SLC17A4: variants seen among roughly 807,000 people sequenced by gnomAD.
The protein encoded by SLC17A4 is solute carrier family 17 member 4, also known as probable small intestine urate exporter.
Under a neutral mutation model 52.5 loss-of-function variants are expected in SLC17A4, and 33 were observed. That is an observed-to-expected ratio of 0.63 (90% confidence interval 0.48 to 0.84). SLC17A4 has a LOEUF of 0.84. SLC17A4 is among the 40% of genes least tolerant of loss of function. The pLI is 0.00. For synonymous variants in SLC17A4, 225 were observed against 216.2 expected (o/e 1.04, Z -0.36); for missense variants, 585 against 597.1 (o/e 0.98, Z 0.21).
At chr6:25,764,551 T>A (rs1761841552) in intron 2 of SLC17A4, among the ~76,000 whole-genome samples, 1 of 152,190 alleles carries the variant, frequency 6.6e-6, no homozygotes, top group South Asian at 2.1e-4. Context: ...TAATACAATT[T>A]GGAAGAAATT....
At chr6:25,776,566 A>G in intron 8 of SLC17A4, 29 bp from the exon 9 acceptor site, 2 of 1,571,658 alleles carry the variant, frequency 1.3e-6, no homozygotes. Flanking sequence ...GTAAGGGCAC[A>G]TGCACCTGAC....
At chr6:25,768,263 T>G in intron 2 of SLC17A4, 1 of 483,080 alleles carries the variant, frequency 2.1e-6, no homozygotes, top group Non-Finnish European at 2.7e-6. Context: ...GAGCATTTGC[T>G]CCCTTTCAGG....
At chr6:25,754,931 T>C (rs990487720) in intron 1 of SLC17A4, 150 bp downstream of exon 1, 29 of 152,076 alleles carry the variant, frequency 1.9e-4, no homozygotes, top group African/African-American at 7.0e-4. Flanking sequence ...GAGATAATTC[T>C]GGTAAGTGAG....
Position 25,773,358 on chromosome 6 carries a change from G to A in SLC17A4, c.790G>A (p.Glu264Lys), listed in dbSNP as rs1225576898. 6.2e-7 allele frequency: 1 copy of A among 1,613,924 alleles called. No homozygotes were observed. Among genetic ancestry groups the A allele is most frequent in the East Asian group, 2.2e-5 (1 of 44,868 alleles). Residue 264 changes from glutamate to lysine, a missense_variant, in exon 7 of 12, where the codon GAG (glutamate) becomes AAG (lysine). Coordinates refer to ENST00000377905, the MANE Select transcript of SLC17A4 (RefSeq NM_005495.3). ...PVNHPFISAG[E>K]KRYIVCSLAQ... ...GAATCATCCCTTTATCAGTGCTGGT[G>A]AGAAGAGATACATTGTGTGTTCATT... is the stretch of plus-strand genomic sequence containing the variant.
At chr6:25,759,699 C>T (rs763705748) in intron 1 of SLC17A4, among the ~76,000 whole-genome samples, 6 of 152,162 alleles carry the variant, frequency 3.9e-5, no homozygotes, top group Non-Finnish European at 8.8e-5. Context: ...TACTCCTGCT[C>T]GCTTTTGGTG....
At chr6:25,772,487 T>A (rs1762562420) in intron 6 of SLC17A4, among the ~76,000 whole-genome samples, 1 of 152,174 alleles carries the variant, frequency 6.6e-6, no homozygotes, top group African/African-American at 2.4e-5. Context: ...AGAGAGCTCA[T>A]AAGATTTCTT....
At chr6:25,772,240 G>T (rs1431525107) in intron 6 of SLC17A4, among the ~76,000 whole-genome samples, 2 of 152,130 alleles carry the variant, frequency 1.3e-5, no homozygotes, top group Non-Finnish European at 2.9e-5. Flanking sequence ...ACAGTAAGGA[G>T]CATATACGCA....
At chr6:25,772,031 T>TA (rs1762522502) in intron 6 of SLC17A4, among the ~76,000 whole-genome samples, 1 of 152,200 alleles carries the variant, frequency 6.6e-6, no homozygotes, top group South Asian at 2.1e-4. Context: ...ATAGTCCCAC[T>TA]AGTGTGTTCA....
intron 2 of SLC17A4, among the ~76,000 whole-genome samples, chr6:25,768,646 A>C (rs1470027259): frequency 6.6e-6 from 1 of 152,090 alleles, no homozygotes; most frequent in Non-Finnish European, 1.5e-5. Context: ...GTCCATACCC[A>C]ATCGGTCACT....
At chr6:25,768,630 C>T (rs897487259) in intron 2 of SLC17A4, among the ~76,000 whole-genome samples, 2 of 152,178 alleles carry the variant, frequency 1.3e-5, no homozygotes, top group African/African-American at 4.8e-5. Context: ...TTTCCTCTCT[C>T]TCACTGTCCA....
In SLC17A4 at chr6:25,778,980, G is replaced by A; in HGVS notation, c.1360-74G>A. 2.5e-6 allele frequency: 4 copies of A among 1,581,814 alleles called. No homozygotes were observed. In the South Asian group the frequency reaches 3.6e-5, roughly 14 times the overall value. The stretch of plus-strand genomic sequence containing the variant: ...GTCGGGGAGGGAGCAGGAGGACACA[G>A]AGCCAAAGCCTTTCTGAACCAAGAG... On this transcript the variant is annotated intron_variant, in intron 11 of 11. Coordinates refer to ENST00000377905, the MANE Select transcript of SLC17A4 (RefSeq NM_005495.3).
At chr6:25,769,971 A>G in intron 3 of SLC17A4, 96 bp from the exon 4 acceptor site, 2 of 1,033,280 alleles carry the variant, frequency 1.9e-6, no homozygotes, top group Non-Finnish European at 2.9e-6. Context: ...GTAAACAGAA[A>G]GATAACTGCC....
chr6:25,769,787 T>C (rs1049935915), intron 3 of SLC17A4, among the ~76,000 whole-genome samples: 3 of 152,250 alleles, frequency 2.0e-5, no homozygotes, highest in South Asian at 4.2e-4. Context: ...CACGTATTTT[T>C]TTTTTACTAC....
chr6:25,771,123 G>C, intron 6 of SLC17A4, 111 bp downstream of exon 6: 1 of 890,852 alleles, frequency 1.1e-6, no homozygotes, highest in East Asian at 2.4e-5. Flanking sequence ...GCTAAAGCTG[G>C]TAGTGTTCAG....
intron 3 of SLC17A4, 66 bp from the exon 4 acceptor site, chr6:25,770,001 A>G (rs1762345795): frequency 1.4e-6 from 2 of 1,462,840 alleles, no homozygotes; most frequent in Non-Finnish European, 1.9e-6. Context: ...TTGCCTCTCA[A>G]GTCCTCACAA....
Position 25,779,223 on chromosome 6 carries a change from G to C in SLC17A4, c.*35G>C. ...GAGATGTGCTAGATCCTGGTGCTTAGTTCATCATTGTTTTCCCTCACAGAC... is the reference window on the plus strand; with the variant it reads ...GAGATGTGCTAGATCCTGGTGCTTACTTCATCATTGTTTTCCCTCACAGAC... On this transcript the variant is annotated 3_prime_UTR_variant, in exon 12 of 12. Coordinates refer to ENST00000377905, the MANE Select transcript of SLC17A4 (RefSeq NM_005495.3). The C allele has an allele frequency of 6.2e-7, 1 of 1,609,154 alleles. No individual in the cohort carries two copies. The highest frequency in any genetic ancestry group is 8.5e-7 in the Non-Finnish European group (1 of 1,177,156).
At chr6:25,768,497 A>G in intron 2 of SLC17A4, 1 of 597,872 alleles carries the variant, frequency 1.7e-6, no homozygotes, top group Non-Finnish European at 2.1e-6. Flanking sequence ...ACCATAGCCT[A>G]TCTTTCAAGT....
intron 2 of SLC17A4, chr6:25,768,391 A>G (rs1762197530): frequency 1.0e-6 from 1 of 987,594 alleles, no homozygotes; most frequent in South Asian, 4.7e-5. Context: ...GGACTCAACC[A>G]CAGGGATATC....
chr6:25,779,182 C>T lies in SLC17A4; in HGVS notation c.1488C>T (p.His496=), dbSNP rs1763178290. The stretch of plus-strand genomic sequence containing the variant: ...GGGCTAAAGAGCAGACATTCACCCA[C>T]CTCTGAGCAAACCGAGAGATGTGCT... The part of the protein sequence containing the change: ...QDWAKEQTFT[H]L Residue 496 remains histidine, a synonymous_variant, in exon 12 of 12, where the codon CAC becomes CAT. Transcript: ENST00000377905. 1 of 1,613,502 alleles carries T rather than the reference C, an allele frequency of 6.2e-7. No homozygotes were observed. Among genetic ancestry groups the T allele is most frequent in the Non-Finnish European group, 8.5e-7 (1 of 1,179,648 alleles).
Sources: allele counts gnomAD v4.1 joint callset (sites outside exome capture counted in the v4.1 genomes callset), GRCh38; gene constraint gnomAD v4.1.1; transcripts MANE v1.5; gene names NCBI Gene and HGNC (gene_info 2026-07-23, HGNC 2026-07-21).